DRICH1: variants seen among roughly 807,000 people sequenced by gnomAD.
DRICH1 encodes aspartate rich 1.
In DRICH1, 38 loss-of-function variants were observed where a neutral mutation model predicts 39.5. The ratio of observed to expected loss-of-function variants is 0.96; its 90% CI spans 0.74 to 1.26. The LOEUF (loss-of-function observed/expected upper bound fraction) is 1.26. Ranked by LOEUF, DRICH1 falls within the 50% of genes most tolerant of loss-of-function variation. The pLI, the probability that DRICH1 is intolerant of heterozygous loss-of-function variation, is 0.00. For missense variants in DRICH1, 279 were observed against 270.4 expected (o/e 1.03, Z -0.22); for synonymous variants, 84 against 99.5 (o/e 0.84, Z 0.93).
chr22:23,605,903 A>G (rs1236973051), downstream of DRICH1, among the ~76,000 whole-genome samples: 2 of 152,080 alleles, frequency 1.3e-5, no homozygotes, highest in Non-Finnish European at 2.9e-5. Context: ...CAACATGGCG[A>G]AATGCCATCT....
At position 23,620,602 on chromosome 22, in the gene DRICH1, C is replaced by G. The variant is rs75567718; in HGVS notation, c.398G>C (p.Arg133Pro). 31 of 1,613,764 alleles carry G rather than the reference C, an allele frequency of 1.9e-5. No individual in the cohort carries two copies. Among genetic ancestry groups the G allele is most frequent in the East Asian group, 4.5e-5 (2 of 44,900 alleles). ...TAGTTCAAGGTACATACCCTGGACA[C>G]GTGACGGTAAAATCTGCAACGAGAC... ...DDDDAQILPS[R>P]VQGGCYRFDS... is the part of the protein sequence containing the mutation. The change falls in exon 5 of 12, where the codon CGT (arginine) becomes CCT (proline). Residue 133 changes from arginine to proline, a missense_variant. By Grantham distance (103) the Arg-to-Pro change is moderately radical. Transcript: ENST00000317749.
At chr22:23,625,556 C>G (rs1199585768) in intron 2 of DRICH1, among the ~76,000 whole-genome samples, 1 of 152,158 alleles carries the variant, frequency 6.6e-6, no homozygotes, top group Non-Finnish European at 1.5e-5. Flanking sequence ...TGCAAAATAG[C>G]TCGCTTTGTC....
At chr22:23,613,222 C>T (rs1404605893) in intron 11 of DRICH1, 67 bp downstream of exon 11, 12 of 1,205,882 alleles carry the variant, frequency 1.0e-5, no homozygotes, top group East Asian at 4.6e-5. Flanking sequence ...TCACAAGCAA[C>T]AGGGATAACC....
chr22:23,630,463 T>G (rs1292991239), intron 1 of DRICH1, among the ~76,000 whole-genome samples: 1 of 152,180 alleles, frequency 6.6e-6, no homozygotes, highest in Non-Finnish European at 1.5e-5. Flanking sequence ...TCAGGTACAC[T>G]GTGTTGAGTG....
intron 1 of DRICH1, among the ~76,000 whole-genome samples, chr22:23,626,936 A>G (rs932584627): frequency 1.2e-4 from 18 of 152,154 alleles, no homozygotes; most frequent in African/African-American, 4.3e-4. Flanking sequence ...GAGTTACAGG[A>G]GTTCAACAAT....
the DRICH1 span, among the ~76,000 whole-genome samples, chr22:23,591,851 G>A: frequency 2.6e-5 from 4 of 152,228 alleles, no homozygotes; most frequent in Admixed American, 2.0e-4. Flanking sequence ...ACGAACCAAA[G>A]GGCTGGCTCA....
In DRICH1 at chr22:23,608,719, G is replaced by C; in HGVS notation, c.*45C>G. The C allele has an allele frequency of 6.4e-7, 1 of 1,550,432 alleles. No homozygotes were observed. On this transcript the variant is annotated 3_prime_UTR_variant, in exon 12 of 12. Coordinates refer to ENST00000317749, the MANE Select transcript of DRICH1 (RefSeq NM_016449.4). ...GCTGGGGACCCTGCAGCACGCGCTG[G>C]CCTGCCCTTTGGGTCAGCACCCTGG...
chr22:23,582,245 G>T, the DRICH1 span, among the ~76,000 whole-genome samples: 1 of 148,404 alleles, frequency 6.7e-6, no homozygotes, highest in Admixed American at 6.7e-5. Flanking sequence ...CCAAAGTGCT[G>T]GGTTTACAGG....
intron 11 of DRICH1, among the ~76,000 whole-genome samples, chr22:23,611,473 A>G (rs1307718683): frequency 2.7e-5 from 4 of 150,770 alleles, no homozygotes; most frequent in Non-Finnish European, 4.4e-5. Flanking sequence ...CTCACTGCAA[A>G]CTCCGCCTCC....
rs563286271 is a variant in DRICH1, at chr22:23,611,354, C to A, written c.685+1935G>T. The stretch of plus-strand genomic sequence containing the variant: ...TTCAAGGAGACAACATACAGAAGTG[C>A]CCACATACCCAATTTATGGCTGTTC... On this transcript the variant is annotated intron_variant, in intron 11 of 11. Coordinates refer to ENST00000317749, the MANE Select transcript of DRICH1 (RefSeq NM_016449.4). Among the ~76,000 whole-genome samples the A allele has an allele frequency of 3.0e-4, 46 of 152,110 alleles. No individual in the cohort carries two copies. In the South Asian group the frequency reaches 8.9e-3, roughly 30 times the overall value.
the DRICH1 span, among the ~76,000 whole-genome samples, chr22:23,590,602 A>G: frequency 1.1e-4 from 17 of 150,972 alleles, no homozygotes; most frequent in African/African-American, 3.4e-4. Flanking sequence ...TTGGGGACAC[A>G]TTCTTTTTTG....
chr22:23,592,752 G>A, the DRICH1 span, among the ~76,000 whole-genome samples: 20 of 152,038 alleles, frequency 1.3e-4, no homozygotes, highest in Non-Finnish European at 2.5e-4. Context: ...AGCACTTTGG[G>A]AGCCTGAGGC....
At chr22:23,609,585 GCA>G (rs1926924176) in intron 11 of DRICH1, among the ~76,000 whole-genome samples, 1 of 152,108 alleles carries the variant, frequency 6.6e-6, no homozygotes, top group South Asian at 2.1e-4. Context: ...GCAGGTGTCA[GCA>G]GGGAGCCCTG....
At chr22:23,629,764 T>C (rs1441170947) in intron 1 of DRICH1, among the ~76,000 whole-genome samples, 1 of 152,042 alleles carries the variant, frequency 6.6e-6, no homozygotes, top group Non-Finnish European at 1.5e-5. Flanking sequence ...ACTACAGGTA[T>C]GGGCCACCAT....
At chr22:23,615,447 A>T (rs1927301183) in intron 8 of DRICH1, among the ~76,000 whole-genome samples, 1 of 152,206 alleles carries the variant, frequency 6.6e-6, no homozygotes, top group Non-Finnish European at 1.5e-5. Flanking sequence ...AGAAACCAAA[A>T]ATTTTTATCA....
chr22:23,589,126 A>ACCC, the DRICH1 span, among the ~76,000 whole-genome samples: 1 of 138,744 alleles, frequency 7.2e-6, no homozygotes, highest in Non-Finnish European at 1.6e-5. Context: ...ACACACACAC[A>ACCC]CCCCTTTGAT....
intron 6 of DRICH1, among the ~76,000 whole-genome samples, chr22:23,618,576 G>A (rs1927518700): frequency 6.6e-6 from 1 of 152,158 alleles, no homozygotes; most frequent in Non-Finnish European, 1.5e-5. Flanking sequence ...GCAGCTCTGT[G>A]TCAATCTCCC....
chr22:23,604,927 T>C (rs1257485613), downstream of DRICH1, among the ~76,000 whole-genome samples: 1 of 152,180 alleles, frequency 6.6e-6, no homozygotes, highest in Non-Finnish European at 1.5e-5. Context: ...TTCCCTTTAT[T>C]TCTGTGAAAT....
At chr22:23,608,969 G>A (rs1239908983) in intron 11 of DRICH1, among the ~76,000 whole-genome samples, 1 of 152,178 alleles carries the variant, frequency 6.6e-6, no homozygotes, top group Non-Finnish European at 1.5e-5. Context: ...CAGGAACACA[G>A]CCTATGTTGG....
Sources: allele counts gnomAD v4.1 joint callset (sites outside exome capture counted in the v4.1 genomes callset), GRCh38; gene constraint gnomAD v4.1.1; transcripts MANE v1.5; gene names NCBI Gene and HGNC (gene_info 2026-07-23, HGNC 2026-07-21).